The following NHLRC3 variants were observed in gnomAD, a reference collection of about 807,000 sequenced individuals.
NHLRC3 encodes NHL repeat-containing protein 3.
In NHLRC3, 23 loss-of-function variants were observed where a neutral mutation model predicts 32.0. The observed-to-expected ratio is 0.72, with a 90% CI of 0.52 to 1.02. The LOEUF is 1.02. Among genes scored for constraint, NHLRC3 ranks in the 50% least tolerant of loss-of-function variants. The pLI, the probability that NHLRC3 is intolerant of heterozygous loss-of-function variation, is 0.00. For missense variants in NHLRC3, 407 were observed against 406.8 expected (o/e 1.00, Z -0.01); for synonymous variants, 159 against 147.9 (o/e 1.08, Z -0.55).
chr13:39,043,655 G>C (rs555826748), intron 4 of NHLRC3, among the ~76,000 whole-genome samples: 1 of 152,222 alleles, frequency 6.6e-6, no homozygotes, highest in South Asian at 2.1e-4. Context: ...CAGGAGTTAG[G>C]ACTTGGACAT....
chr13:39,043,652 T>A (rs1338253790), intron 4 of NHLRC3, among the ~76,000 whole-genome samples: 1 of 152,144 alleles, frequency 6.6e-6, no homozygotes, highest in Non-Finnish European at 1.5e-5. Flanking sequence ...TATCAGGAGT[T>A]AGGACTTGGA....
chr13:39,046,439 C>T (rs1230863516), intron 5 of NHLRC3, among the ~76,000 whole-genome samples: 1 of 152,244 alleles, frequency 6.6e-6, no homozygotes, highest in Non-Finnish European at 1.5e-5. Flanking sequence ...CCCATTACAG[C>T]CTATAACAAA....
intron 4 of NHLRC3, 135 bp downstream of exon 4, chr13:39,042,440 A>G (rs926797489): frequency 3.5e-6 from 2 of 578,874 alleles, no homozygotes; most frequent in African/African-American, 3.7e-5. Flanking sequence ...AGAAAACTGA[A>G]AAACAGATGG....
Position 39,044,099 on chromosome 13 carries a change from T to TC in NHLRC3, c.598dup (p.Leu200ProfsTer13), listed in dbSNP as rs1871566699. The TC allele has an allele frequency of 6.2e-7, 1 of 1,611,414 alleles. No individual in the cohort carries two copies. ...TTTTTACCGTTTATAGATTTCATGA[T>TC]CCTTTGGCTGCATGGAGAAAATGGG... On this transcript the variant is annotated frameshift_variant, in exon 5 of 7. Transcript: ENST00000379600. LOFTEE classifies it high-confidence loss of function.
chr13:39,046,333 A>C (rs1566034488), intron 5 of NHLRC3, among the ~76,000 whole-genome samples: 1 of 152,166 alleles, frequency 6.6e-6, no homozygotes, highest in Non-Finnish European at 1.5e-5. Context: ...AATAAAAAAA[A>C]CCATTTCCCT....
At chr13:39,044,030 T>G in intron 4 of NHLRC3, 60 bp from the exon 5 acceptor site, 1 of 1,169,158 alleles carries the variant, frequency 8.6e-7, no homozygotes. Context: ...TTTCATAAAA[T>G]ATGCAAATGC....
intron 5 of NHLRC3, among the ~76,000 whole-genome samples, chr13:39,046,672 C>T (rs1417889878): frequency 6.6e-6 from 1 of 152,156 alleles, no homozygotes; most frequent in African/African-American, 2.4e-5. Context: ...CAGTAGTACT[C>T]ATTGAAAAAT....
intron 1 of NHLRC3, 75 bp from the exon 2 acceptor site, chr13:39,039,061 T>TTCCCCGGCCC: frequency 1.3e-6 from 1 of 760,182 alleles, no homozygotes; most frequent in Non-Finnish European, 2.3e-6. Flanking sequence ...TAAGCCCTGT[T>TTCCCCGGCCC]ACCCGGCCCC....
chr13:39,039,517 C>T, intron 2 of NHLRC3, 47 bp from the exon 3 acceptor site: 1 of 1,494,904 alleles, frequency 6.7e-7, no homozygotes. Flanking sequence ...TACAGATTAC[C>T]TTTCCTTTAA....
Position 39,038,538 on chromosome 13 carries a change from C to A in NHLRC3, c.-102C>A, listed in dbSNP as rs114244590. 1,008 of 971,532 alleles carry A rather than the reference C, an allele frequency of 1.0e-3. 13 individuals are homozygous for A. The African/African-American group carries it at 0.015, about 14-fold the overall frequency. The allele number at this position is 971,532 out of a possible 1,614,324, so 60.2% of individuals were successfully genotyped here. A position where few individuals can be genotyped will look rare whatever the true frequency, so the allele number is the denominator to read the frequency against. On this transcript the variant is annotated 5_prime_UTR_variant, in exon 1 of 7. Transcript: ENST00000379600. Reference sequence around the variant, plus strand: ...AACCGGAGATAGGGTCTTCGGGCCCCGGGCAGACCCTCTGTGCCGCTGCAA... The same window carrying A: ...AACCGGAGATAGGGTCTTCGGGCCCAGGGCAGACCCTCTGTGCCGCTGCAA...
Position 39,039,283 on chromosome 13 carries a change from G to A in NHLRC3, c.232G>A (p.Gly78Ser). The A allele has an allele frequency of 2.5e-6, 4 of 1,609,722 alleles. No homozygotes were observed. The highest frequency in any genetic ancestry group is 3.4e-6 in the Non-Finnish European group (4 of 1,177,432). ...VDSLNGLVYI[G>S]QRGDNIPKIL... ...CTCCCTCAATGGATTGGTTTACATA[G>A]GTCAAGTAAGTAAATAGAGATTTAA... The change falls in exon 2 of 7, where the codon GGT becomes AGT. Residue 78 changes from glycine (G) to serine (S), a missense_variant. Transcript: ENST00000379600.
chr13:39,047,976 CTAAGTGCT>C lies in NHLRC3; in HGVS notation c.*54_*61del, dbSNP rs763339228. ...AGTGGCAGTTCAGATTCTCAATTCA[CTAAGTGCT>C]TAAAAATGATGTTCAAGCACAAGAA... On this transcript the variant is annotated 3_prime_UTR_variant, in exon 7 of 7. Transcript: ENST00000379600. 4 of 1,442,748 alleles carry C rather than the reference CTAAGTGCT, an allele frequency of 2.8e-6. 1 individual carries two copies. In the South Asian group the frequency reaches 5.1e-5, roughly 18 times the overall value. The allele number at this position is 1,442,748 out of a possible 1,614,324, so 89.4% of individuals were successfully genotyped here. A position where few individuals can be genotyped will look rare whatever the true frequency, so the allele number is the denominator to read the frequency against.
chr13:39,039,839 C>T, intron 3 of NHLRC3, 128 bp downstream of exon 3: 2 of 684,028 alleles, frequency 2.9e-6, no homozygotes, highest in Non-Finnish European at 4.7e-6. Context: ...CATGAAATCA[C>T]ATGTTTTTAA....
Position 39,042,089 on chromosome 13 carries a change from A to T in NHLRC3, c.386-16A>T, listed in dbSNP as rs770030154. On this transcript the variant is annotated splice_polypyrimidine_tract_variant and intron_variant, in intron 3 of 6. Coordinates refer to ENST00000379600, the MANE Select transcript of NHLRC3 (RefSeq NM_001012754.4). Reference sequence around the variant, plus strand: ...TAGTGGTTTTATTTGTGAGATGTACATATCTATCTTTATAGGATTCTTTGG... The same window carrying T: ...TAGTGGTTTTATTTGTGAGATGTACTTATCTATCTTTATAGGATTCTTTGG... 1.2e-5 allele frequency: 17 copies of T among 1,436,108 alleles called. No individual in the cohort carries two copies. Among genetic ancestry groups the T allele is most frequent in the Non-Finnish European group, 1.6e-5 (16 of 1,018,858 alleles). 89.0% of individuals were successfully genotyped at this position (1,436,108 alleles called of 1,614,324 possible).
At chr13:39,044,334 T>C in intron 5 of NHLRC3, 153 bp downstream of exon 5, 1 of 619,754 alleles carries the variant, frequency 1.6e-6, no homozygotes, top group Non-Finnish European at 2.9e-6. Flanking sequence ...TGTGTGTTAG[T>C]GGGTATGTCT....
chr13:39,047,751 T>TGG lies in NHLRC3; in HGVS notation c.871_872dup (p.Ser292GlufsTer8), dbSNP rs1566034876. On this transcript the variant is annotated frameshift_variant, in exon 7 of 7. Coordinates refer to ENST00000379600, the MANE Select transcript of NHLRC3 (RefSeq NM_001012754.4). LOFTEE classifies it low-confidence loss of function (END_TRUNC). ...CTCTCAGTCGTAGCAGCACCCCCAG[T>TGG]GGGAAGCATTGGGGAGTGTTCTGTG... 1 of 1,614,096 alleles carries TGG rather than the reference T, an allele frequency of 6.2e-7. No individual in the cohort carries two copies. The highest frequency in any genetic ancestry group is 1.7e-5 in the Admixed American group (1 of 60,012).
Position 39,049,717 on chromosome 13 carries a change from A to C in NHLRC3, c.*1791A>C, listed in dbSNP as rs546269989. 6.6e-6 allele frequency: 1 copy of C among 152,352 alleles called. No homozygotes were observed. Among genetic ancestry groups the C allele is most frequent in the South Asian group, 2.1e-4 (1 of 4,832 alleles). The allele number at this position is 152,352 out of a possible 1,614,324, so 9.4% of individuals were successfully genotyped here. A position where few individuals can be genotyped will look rare whatever the true frequency, so the allele number is the denominator to read the frequency against. The stretch of plus-strand genomic sequence containing the variant: ...TTTTAAGCCAGGACAAGAAGTGCAA[A>C]TGCCTCTTTGAAGCAATTTAGGCTA... On this transcript the variant is annotated 3_prime_UTR_variant, in exon 7 of 7. Coordinates refer to ENST00000379600, the MANE Select transcript of NHLRC3 (RefSeq NM_001012754.4).
intron 3 of NHLRC3, 162 bp from the exon 4 acceptor site, chr13:39,041,943 T>C: frequency 1.9e-6 from 1 of 540,018 alleles, no homozygotes; most frequent in Non-Finnish European, 3.3e-6. Context: ...GGCTGTAATT[T>C]ACGAAGAAGC....
Position 39,040,020 on chromosome 13 carries a change from C to CAAA in NHLRC3, c.385+325_385+327dup, listed in dbSNP as rs67484587. The CAAA allele has an allele frequency of 4.0e-3, 420 of 106,266 alleles. 1 individual carries two copies. Among genetic ancestry groups the CAAA allele is most frequent in the South Asian group, 8.3e-3 (30 of 3,602 alleles). 6.6% of individuals were successfully genotyped at this position (106,266 alleles called of 1,614,324 possible). The stretch of plus-strand genomic sequence containing the variant: ...GAAACCCCCGTCTCCACTAAAAATA[C>CAAA]AAAAAAAAAAAAAAAAAATCAGCCA... On this transcript the variant is annotated intron_variant, in intron 3 of 6. Transcript: ENST00000379600.
Sources: gnomAD v4.1 joint callset for allele counts (sites outside exome capture counted in the v4.1 genomes callset) on GRCh38, gnomAD v4.1.1 for gene constraint, MANE v1.5 for transcripts, NCBI Gene and HGNC (gene_info 2026-07-23, HGNC 2026-07-21) for gene names.